The following TIAM2 variants were observed in gnomAD, a reference collection of about 807,000 sequenced individuals.
The protein encoded by TIAM2 is rho guanine nucleotide exchange factor TIAM2.
A neutral mutation model predicts 152.9 loss-of-function variants in TIAM2; 80 were observed. The observed-to-expected ratio is 0.52, with a 90% CI of 0.44 to 0.63. The LOEUF (loss-of-function observed/expected upper bound fraction) is 0.63, where lower values mean the gene tolerates loss of function less well. Among genes scored for constraint, TIAM2 ranks in the 30% least tolerant of loss-of-function variants. The probability of loss-of-function intolerance (pLI) is 0.00; values close to 1 mark genes in which losing one functional copy is unlikely to be tolerated. For synonymous variants in TIAM2, 804 were observed against 838.0 expected (o/e 0.96, Z 0.70); for missense variants, 1,965 against 2,120.1 (o/e 0.93, Z 1.44).
intron 2 of TIAM2, among the ~76,000 whole-genome samples, chr6:155,116,461 A>C (rs1779014685): frequency 6.6e-6 from 1 of 152,198 alleles, no homozygotes; most frequent in Non-Finnish European, 1.5e-5. Flanking sequence ...TGGGGAAAGC[A>C]CCCATTTAGA....
chr6:155,089,277 G>T (rs1778243592), intron 1 of TIAM2, among the ~76,000 whole-genome samples: 1 of 152,092 alleles, frequency 6.6e-6, no homozygotes, highest in South Asian at 2.1e-4. Context: ...GAGTGCAGTG[G>T]CGCTATCTCA....
Position 155,028,395 on chromosome 6 carries a change from C to CATATAT in TIAM2, c.-209+32907_-209+32912dup, listed in dbSNP as rs374454991. Among the ~76,000 whole-genome samples, 4 of 70,004 alleles carry CATATAT rather than the reference C, an allele frequency of 5.7e-5. 1 individual carries two copies. The highest frequency in any genetic ancestry group is 2.8e-4 in the African/African-American group (4 of 14,132). 45.9% of individuals were successfully genotyped at this position (70,004 alleles called of 152,430 possible). ...TATATACTGTGTTACATATATACTA[C>CATATAT]ATATATATACTGTGTTACATATACT... On this transcript the variant is annotated intron_variant, in intron 1 of 26. Transcript: ENST00000682666.
intron 15 of TIAM2, among the ~76,000 whole-genome samples, 187 bp from the exon 16 acceptor site, chr6:155,240,343 C>T (rs572503756): frequency 2.0e-5 from 3 of 152,366 alleles, no homozygotes; most frequent in South Asian, 2.1e-4. Context: ...TGTGGGCGCA[C>T]ATCTTCCTTA....
At chr6:155,052,447 ACT>A (rs2114925315) in intron 1 of TIAM2, among the ~76,000 whole-genome samples, 1 of 152,038 alleles carries the variant, frequency 6.6e-6, no homozygotes, top group Non-Finnish European at 1.5e-5. Context: ...TGCTTAATAA[ACT>A]CTGAATAACC....
At chr6:155,048,961 C>T (rs1321938690) in intron 1 of TIAM2, among the ~76,000 whole-genome samples, 1 of 151,868 alleles carries the variant, frequency 6.6e-6, no homozygotes, top group Non-Finnish European at 1.5e-5. Flanking sequence ...CCACCATGCA[C>T]CTATAATTTT....
At chr6:155,197,661 C>T (rs931434936) in intron 14 of TIAM2, among the ~76,000 whole-genome samples, 1 of 152,006 alleles carries the variant, frequency 6.6e-6, no homozygotes, top group Non-Finnish European at 1.5e-5. Context: ...AGAAAACTTA[C>T]AATCATGGTG....
chr6:155,061,154 A>G (rs1466675774), intron 1 of TIAM2, among the ~76,000 whole-genome samples: 1 of 152,178 alleles, frequency 6.6e-6, no homozygotes, highest in African/African-American at 2.4e-5. Flanking sequence ...GAATAGAGCT[A>G]GGAAGTTTTT....
chr6:155,096,889 A>T (rs1027045540), intron 2 of TIAM2, among the ~76,000 whole-genome samples: 4 of 152,200 alleles, frequency 2.6e-5, no homozygotes, highest in African/African-American at 7.2e-5. Flanking sequence ...GCTGGATCAC[A>T]TGGTAGTTCT....
chr6:155,155,652 T>G (rs1278423951), intron 7 of TIAM2, among the ~76,000 whole-genome samples: 3 of 152,044 alleles, frequency 2.0e-5, no homozygotes, highest in Non-Finnish European at 4.4e-5. Flanking sequence ...TTTTTGTATT[T>G]TTTGTAGAGA....
At chr6:155,097,528 G>A (rs1282918763) in intron 2 of TIAM2, among the ~76,000 whole-genome samples, 1 of 152,040 alleles carries the variant, frequency 6.6e-6, no homozygotes, top group Non-Finnish European at 1.5e-5. Context: ...TTTTTGTAGA[G>A]AGAGGTCCCG....
Position 155,065,206 on chromosome 6 carries a change from G to A in TIAM2, c.-208-25083G>A, listed in dbSNP as rs1020785896. Among the ~76,000 whole-genome samples, 11 of 151,994 alleles carry A rather than the reference G, an allele frequency of 7.2e-5. No individual in the cohort carries two copies. The East Asian group carries it at 1.6e-3, about 22-fold the overall frequency. On this transcript the variant is annotated intron_variant, in intron 1 of 26. Coordinates refer to ENST00000682666, the MANE Select transcript of TIAM2 (RefSeq NM_012454.4). ...TAACCTCGGGTGATCTGCCCACCTC[G>A]GCCTCCCAAAGTGCTGGGATTACAG... is the stretch of plus-strand genomic sequence containing the variant.
rs551048054 is a variant in TIAM2 at position 155,145,909 on chromosome 6, T to C, written c.1803+1131T>C. 3.9e-5 allele frequency among the ~76,000 whole-genome samples: 6 copies of C among 152,282 alleles called. No individual in the cohort carries two copies. The South Asian group carries it at 1.2e-3, about 32-fold the overall frequency. On this transcript the variant is annotated intron_variant, in intron 6 of 26. Transcript: ENST00000682666. ...GGCCTGAGATTTGATTTTCCTTTTCTTAACAGAAAGGTTGCTTAAAACCTT... is the reference window on the plus strand; with the variant it reads ...GGCCTGAGATTTGATTTTCCTTTTCCTAACAGAAAGGTTGCTTAAAACCTT...
At chr6:155,093,845 G>A (rs772900566) in intron 2 of TIAM2, among the ~76,000 whole-genome samples, 1 of 152,166 alleles carries the variant, frequency 6.6e-6, no homozygotes. Context: ...GGCCAAGTTG[G>A]TTGTATGCCC....
chr6:155,243,925 AGCTGCTGCCAGGTT>A (rs1490913823), intron 16 of TIAM2, 72 bp from the exon 17 acceptor site: 1 of 838,496 alleles, frequency 1.2e-6, no homozygotes, highest in South Asian at 1.4e-5. Context: ...GAGCCTTGGG[AGCTGCTGCCAGGTT>A]GCTGCTACCC....
chr6:155,173,746 C>A (rs933414777), intron 9 of TIAM2, among the ~76,000 whole-genome samples: 1 of 152,128 alleles, frequency 6.6e-6, no homozygotes, highest in Non-Finnish European at 1.5e-5. Context: ...TCTCCTGGTG[C>A]GGGACTTAGA....
chr6:155,033,331 G>A (rs956766107), intron 1 of TIAM2, among the ~76,000 whole-genome samples: 1 of 152,186 alleles, frequency 6.6e-6, no homozygotes, highest in African/African-American at 2.4e-5. Flanking sequence ...AAGGGAGCTG[G>A]CTTGTCTCCC....
At chr6:155,056,367 T>C (rs1325312522) in intron 1 of TIAM2, among the ~76,000 whole-genome samples, 2 of 152,084 alleles carry the variant, frequency 1.3e-5, no homozygotes, top group Non-Finnish European at 2.9e-5. Context: ...AGACGGGGTT[T>C]CACCATGTTG....
intron 9 of TIAM2, among the ~76,000 whole-genome samples, chr6:155,175,009 T>A (rs1341292121): frequency 6.6e-6 from 1 of 152,194 alleles, no homozygotes; most frequent in African/African-American, 2.4e-5. Flanking sequence ...ACTGCCCAGA[T>A]GAAAAGTACC....
Position 155,071,271 on chromosome 6 carries a change from G to A in TIAM2, c.-208-19018G>A, listed in dbSNP as rs112580940. On this transcript the variant is annotated intron_variant, in intron 1 of 26. Transcript: ENST00000682666. ...GGCTTTCCAGACAGCTTTGGAGCACGTCTCCACGGATCTTCATCAAGATCC... is the reference window on the plus strand; with the variant it reads ...GGCTTTCCAGACAGCTTTGGAGCACATCTCCACGGATCTTCATCAAGATCC... Among the ~76,000 whole-genome samples, 45 of 152,318 alleles carry A rather than the reference G, an allele frequency of 3.0e-4. 3 individuals carry two copies. The highest frequency in any genetic ancestry group is 1.0e-3 in the African/African-American group (42 of 41,574).
Sources: gnomAD v4.1 joint callset for allele counts (sites outside exome capture counted in the v4.1 genomes callset) on GRCh38, gnomAD v4.1.1 for gene constraint, MANE v1.5 for transcripts, NCBI Gene and HGNC (gene_info 2026-07-23, HGNC 2026-07-21) for gene names.